Variants in CADM1 observed in about 807,000 individuals in gnomAD.
CADM1 encodes the protein cell adhesion molecule 1.
CADM1 carries 15 observed loss-of-function variants against 53.1 expected under a neutral mutation model. That is an observed-to-expected ratio of 0.28 (90% CI 0.19 to 0.44). CADM1 has a LOEUF of 0.44. Ranked by LOEUF, CADM1 falls within the 20% of genes least tolerant of loss-of-function variation. The pLI is 1.00. For missense variants in CADM1, 434 were observed against 611.3 expected (o/e 0.71, Z 3.06); for synonymous variants, 281 against 243.0 (o/e 1.16, Z -1.45).
intron 1 of CADM1, among the ~76,000 whole-genome samples, chr11:115,330,541 T>C (rs1945103726): frequency 6.6e-6 from 1 of 152,168 alleles, no homozygotes; most frequent in Non-Finnish European, 1.5e-5. Context: ...TTCCCAACGA[T>C]TGAGTTACAT....
intron 1 of CADM1, among the ~76,000 whole-genome samples, chr11:115,364,822 G>A (rs1204101464): frequency 6.6e-6 from 1 of 152,128 alleles, no homozygotes; most frequent in Non-Finnish European, 1.5e-5. Context: ...TATGTACAAA[G>A]TAGTAAAACG....
rs145290054 is a variant in CADM1 at position 115,385,448 on chromosome 11, C to T, written c.124+118823G>A. Among the ~76,000 whole-genome samples, 44 of 152,236 alleles carry T rather than the reference C, an allele frequency of 2.9e-4. No individual in the cohort carries two copies. In the East Asian group the frequency reaches 8.5e-3, roughly 29 times the overall value. ...CAGACAATAAAACAATGCCTCCAGC[C>T]AGCCAGCAAATGCCTTCACTATGAC... On this transcript the variant is annotated intron_variant, in intron 1 of 11. Transcript: ENST00000331581.
chr11:115,215,990 C>T lies in CADM1; in HGVS notation c.822-1210G>A, dbSNP rs547930619. On this transcript the variant is annotated intron_variant, in intron 6 of 11. Transcript: ENST00000331581. ...TTAATTACACATGGGTTTGTCATCACAACCCAGTAAATTATTTAAAAATTA... is the reference window on the plus strand; with the variant it reads ...TTAATTACACATGGGTTTGTCATCATAACCCAGTAAATTATTTAAAAATTA... 2.6e-5 allele frequency among the ~76,000 whole-genome samples: 4 copies of T among 152,320 alleles called. No homozygotes were observed. In the South Asian group the frequency reaches 8.3e-4, roughly 32 times the overall value.
chr11:115,247,417 A>G (rs184745642), intron 1 of CADM1, among the ~76,000 whole-genome samples: 7 of 152,336 alleles, frequency 4.6e-5, no homozygotes, highest in Admixed American at 4.6e-4. Flanking sequence ...GAGGACATTA[A>G]TTTTAAAAGC....
chr11:115,368,496 A>G (rs1239657355), intron 1 of CADM1, among the ~76,000 whole-genome samples: 2 of 152,326 alleles, frequency 1.3e-5, no homozygotes, highest in Admixed American at 6.5e-5. Context: ...AAGTACTGTA[A>G]TTGAAAGATT....
chr11:115,455,941 T>C (rs772120746), intron 1 of CADM1, among the ~76,000 whole-genome samples: 1 of 152,136 alleles, frequency 6.6e-6, no homozygotes, highest in Non-Finnish European at 1.5e-5. Context: ...CTCTGAGAAG[T>C]GGAGCCTTTC....
chr11:115,256,347 G>A (rs1179937132), intron 1 of CADM1, among the ~76,000 whole-genome samples: 1 of 152,220 alleles, frequency 6.6e-6, no homozygotes, highest in African/African-American at 2.4e-5. Context: ...ATCAGGCTTG[G>A]AATGAGCCTC....
At chr11:115,458,954 C>T (rs2135368220) in intron 1 of CADM1, among the ~76,000 whole-genome samples, 1 of 152,196 alleles carries the variant, frequency 6.6e-6, no homozygotes, top group Non-Finnish European at 1.5e-5. Context: ...GCATACAACG[C>T]ATAGCAAGGC....
Position 115,478,678 on chromosome 11 carries a change from T to C in CADM1, c.124+25593A>G, listed in dbSNP as rs531343552. Among the ~76,000 whole-genome samples, 273 of 152,292 alleles carry C rather than the reference T, an allele frequency of 1.8e-3. 2 individuals carry two copies. The highest frequency in any genetic ancestry group is 6.3e-3 in the African/African-American group (262 of 41,578). ...CCTTCATAATCTCACTCTCTAGAGA[T>C]AGCCATTGTTAAGAGCTTTCTGTTG... On this transcript the variant is annotated intron_variant, in intron 1 of 11. Transcript: ENST00000331581.
intron 1 of CADM1, among the ~76,000 whole-genome samples, chr11:115,329,812 G>T (rs1215382616): frequency 1.3e-5 from 2 of 151,842 alleles, no homozygotes; most frequent in African/African-American, 4.8e-5. Flanking sequence ...GATGGATAGG[G>T]AGCCGGAAAG....
chr11:115,399,898 G>C (rs909830105), intron 1 of CADM1, among the ~76,000 whole-genome samples: 4 of 152,134 alleles, frequency 2.6e-5, no homozygotes, highest in Admixed American at 6.5e-5. Context: ...CATGACATGA[G>C]AGCAGGCTGT....
intron 1 of CADM1, among the ~76,000 whole-genome samples, chr11:115,365,173 CT>C (rs1946126129): frequency 6.6e-6 from 1 of 152,140 alleles, no homozygotes; most frequent in African/African-American, 2.4e-5. Flanking sequence ...TCCCAAGCCT[CT>C]TTACTCCAAC....
intron 1 of CADM1, among the ~76,000 whole-genome samples, chr11:115,479,163 A>G (rs1949203159): frequency 6.6e-6 from 1 of 152,110 alleles, no homozygotes; most frequent in South Asian, 2.1e-4. Context: ...TTTGATTTTT[A>G]TCTTTAAGAC....
chr11:115,295,920 C>T (rs1944065793), intron 1 of CADM1, among the ~76,000 whole-genome samples: 1 of 152,082 alleles, frequency 6.6e-6, no homozygotes, highest in Non-Finnish European at 1.5e-5. Flanking sequence ...AACTTAAGGG[C>T]TCCGCCTTTC....
At chr11:115,396,270 A>G (rs969778396) in intron 1 of CADM1, among the ~76,000 whole-genome samples, 1 of 152,226 alleles carries the variant, frequency 6.6e-6, no homozygotes, top group African/African-American at 2.4e-5. Context: ...TGACCACATT[A>G]GATTTAAGAT....
intron 1 of CADM1, among the ~76,000 whole-genome samples, chr11:115,297,237 C>T (rs1179828069): frequency 2.6e-5 from 4 of 152,188 alleles, no homozygotes; most frequent in African/African-American, 9.6e-5. Context: ...TTTGTGTTAA[C>T]TATGATCAGA....
intron 1 of CADM1, among the ~76,000 whole-genome samples, chr11:115,322,406 T>C (rs1348808633): frequency 6.6e-6 from 1 of 152,256 alleles, no homozygotes; most frequent in East Asian, 1.9e-4. Context: ...AACACTTTTA[T>C]GGAGATATAA....
rs200404828 is a variant in CADM1 at position 115,504,342 on chromosome 11, G to C, written c.53C>G (p.Ala18Gly). The C allele has an allele frequency of 6.5e-7, 1 of 1,548,592 alleles. No individual in the cohort carries two copies. The highest frequency in any genetic ancestry group is 1.4e-5 in the African/African-American group (1 of 73,116). ...SGSQCAAAAA[A>G]AAPPGLRLRL... Reference sequence around the variant, plus strand: ...GAGCCGGAGCCCGGGAGGCGCCGCCGCCGCCGCTGCCGCCGCACACTGGGA... The same window carrying C: ...GAGCCGGAGCCCGGGAGGCGCCGCCCCCGCCGCTGCCGCCGCACACTGGGA... The change falls in exon 1 of 12, where the codon GCG (alanine) becomes GGG (glycine). Residue 18 changes from alanine (A) to glycine (G), a missense_variant. Ala to Gly is a moderately conservative substitution (Grantham distance 60, BLOSUM62 0). This residue lies in a region of CADM1 where 76 missense variants were observed against 59.8 expected (regional missense o/e 1.27). Transcript: ENST00000331581.
intron 1 of CADM1, among the ~76,000 whole-genome samples, chr11:115,424,889 TAAG>T (rs1286611713): frequency 1.3e-5 from 2 of 152,130 alleles, no homozygotes; most frequent in African/African-American, 2.4e-5. Flanking sequence ...CCAGTAAGGA[TAAG>T]AAGATTTTCT....
Sources: allele counts gnomAD v4.1 joint callset (sites outside exome capture counted in the v4.1 genomes callset), GRCh38; gene constraint gnomAD v4.1.1; regional missense constraint gnomAD v4.1.1; transcripts MANE v1.5; gene names NCBI Gene and HGNC (gene_info 2026-07-23, HGNC 2026-07-21).